NCKAP1: variants seen among roughly 807,000 people sequenced by gnomAD.
NCKAP1 encodes the protein NCK associated protein 1.
NCKAP1 carries 21 observed loss-of-function variants against 151.2 expected under a neutral mutation model. The observed-to-expected ratio is 0.14, with a 90% CI of 0.10 to 0.20. NCKAP1 has a LOEUF of 0.20. Among genes scored for constraint, NCKAP1 ranks in the 10% least tolerant of loss-of-function variants. The probability of loss-of-function intolerance (pLI) is 1.00; values close to 1 mark genes in which losing one functional copy is unlikely to be tolerated. For missense variants in NCKAP1, 933 were observed against 1,352.1 expected, an observed-to-expected ratio of 0.69 and a Z score of 4.86; for synonymous variants, 484 against 451.8, an observed-to-expected ratio of 1.07 and a Z score of -0.90.
intron 6 of NCKAP1, among the ~76,000 whole-genome samples, chr2:183,001,116 T>TA (rs747365406): frequency 3.9e-5 from 6 of 152,198 alleles, no homozygotes; most frequent in Middle Eastern, 6.8e-3. Flanking sequence ...AGCACAGACT[T>TA]ACACAAGGTA....
chr2:182,937,754 G>C (rs1696909926), intron 24 of NCKAP1, among the ~76,000 whole-genome samples: 1 of 152,112 alleles, frequency 6.6e-6, no homozygotes, highest in South Asian at 2.1e-4. Flanking sequence ...TCATCTATAA[G>C]ACATAGCTAC....
chr2:183,014,821 AAAGAAATGACC>A (rs1366851464), intron 2 of NCKAP1, among the ~76,000 whole-genome samples: 1 of 152,232 alleles, frequency 6.6e-6, no homozygotes, highest in Non-Finnish European at 1.5e-5. Flanking sequence ...TAAAGGCCCC[AAAGAAATGACC>A]AAGGAAACCA....
intron 15 of NCKAP1, among the ~76,000 whole-genome samples, chr2:182,973,805 T>C (rs933409845): frequency 2.0e-5 from 3 of 152,196 alleles, no homozygotes; most frequent in Non-Finnish European, 4.4e-5. Context: ...AAAAGTCTCT[T>C]TACTTGCTCT....
At chr2:182,949,413 T>C (rs369300177) in intron 23 of NCKAP1, among the ~76,000 whole-genome samples, 1 of 152,218 alleles carries the variant, frequency 6.6e-6, no homozygotes, top group East Asian at 1.9e-4. Context: ...CTCACTTTCC[T>C]AATTTGTAAA....
intron 2 of NCKAP1, among the ~76,000 whole-genome samples, chr2:183,013,637 C>T (rs914344792): frequency 1.3e-5 from 2 of 152,150 alleles, no homozygotes; most frequent in Admixed American, 6.5e-5. Context: ...TATTCTCTAC[C>T]GAGTAGCCAT....
At chr2:182,961,711 C>G (rs1206604201) in intron 18 of NCKAP1, among the ~76,000 whole-genome samples, 1 of 151,490 alleles carries the variant, frequency 6.6e-6, no homozygotes, top group Non-Finnish European at 1.5e-5. Context: ...CACATGTACC[C>G]TAAAACTTAA....
At chr2:183,033,054 A>G (rs1044675119) in intron 1 of NCKAP1, among the ~76,000 whole-genome samples, 1 of 152,174 alleles carries the variant, frequency 6.6e-6, no homozygotes, top group Non-Finnish European at 1.5e-5. Flanking sequence ...GTCTCCAAAA[A>G]AAGAGAAGAA....
chr2:182,954,116 T>C (rs1697275528), intron 20 of NCKAP1, among the ~76,000 whole-genome samples: 1 of 152,176 alleles, frequency 6.6e-6, no homozygotes, highest in Non-Finnish European at 1.5e-5. Context: ...TCACATAAAT[T>C]GATAAGGTTT....
At chr2:182,952,625 A>G in intron 22 of NCKAP1, 123 bp from the exon 23 acceptor site, 1 of 1,078,940 alleles carries the variant, frequency 9.3e-7, no homozygotes, top group South Asian at 1.8e-5. Context: ...AAGTCTCTAG[A>G]GTGAAAGAGA....
intron 2 of NCKAP1, chr2:183,022,778 AG>A (rs1479520233): frequency 6.6e-6 from 1 of 152,268 alleles, no homozygotes; most frequent in Non-Finnish European, 1.5e-5. Flanking sequence ...TTTAAGCAAA[AG>A]TATCAACAGG....
intron 20 of NCKAP1, among the ~76,000 whole-genome samples, chr2:182,954,450 C>A (rs1423148451): frequency 2.0e-5 from 3 of 152,122 alleles, no homozygotes; most frequent in Non-Finnish European, 4.4e-5. Flanking sequence ...TAAAAGACAA[C>A]CGACAAATCC....
chr2:182,973,009 T>G (rs1220757924), intron 15 of NCKAP1, among the ~76,000 whole-genome samples: 1 of 152,182 alleles, frequency 6.6e-6, no homozygotes, highest in East Asian at 1.9e-4. Context: ...AATAATTTTC[T>G]GCATCTTTCA....
Position 183,003,002 on chromosome 2 carries a change from A to G in NCKAP1, c.341T>C (p.Ile114Thr), listed in dbSNP as rs1267136784. The G allele has an allele frequency of 6.2e-7, 1 of 1,609,296 alleles. No homozygotes were observed. The highest frequency in any genetic ancestry group is 8.5e-7 in the Non-Finnish European group (1 of 1,176,740). ...ATCAAAGAAGACTTGGCAAACGTCA[A>G]TAGTATTCAGCAATTCACAAACATG... ...KDHVCELLNT[I>T]DVCQVFFDIT... The change falls in exon 4 of 31, where the codon ATT becomes ACT. Residue 114 changes from isoleucine (I) to threonine (T), a missense_variant. By Grantham distance (89) the Ile-to-Thr change is moderately conservative (BLOSUM62 -1). Around this residue, in one of 2 missense-constraint regions of NCKAP1, gnomAD observed 607 missense variants for 795.0 expected, o/e 0.76. Coordinates refer to ENST00000361354, the MANE Select transcript of NCKAP1 (RefSeq NM_013436.5).
intron 9 of NCKAP1, among the ~76,000 whole-genome samples, chr2:182,987,760 C>A (rs921012081): frequency 6.6e-6 from 1 of 152,046 alleles, no homozygotes; most frequent in Non-Finnish European, 1.5e-5. Context: ...GGGTATTCCA[C>A]CATCTAAAAT....
At chr2:182,987,628 T>A (rs995414342) in intron 9 of NCKAP1, among the ~76,000 whole-genome samples, 1 of 152,202 alleles carries the variant, frequency 6.6e-6, no homozygotes, top group Non-Finnish European at 1.5e-5. Context: ...TTTACATATA[T>A]TTACATATGA....
Position 182,981,264 on chromosome 2 carries a change from C to T in NCKAP1, c.1321G>A (p.Val441Ile), listed in dbSNP as rs1159007091. The T allele has an allele frequency of 1.2e-6, 2 of 1,613,622 alleles. No individual in the cohort carries two copies. Among genetic ancestry groups the T allele is most frequent in the African/African-American group, 1.3e-5 (1 of 75,002 alleles). The part of the protein sequence containing the change: ...VQYLSGFDAV[V>I]LNELVQNLSV... ...TTTACCTGCACGAGTTCATTGAGGA[C>T]AACAGCATCAAAGCCAGAAAGGTAC... The change falls in exon 13 of 31, where the codon GTC (valine) becomes ATC (isoleucine). Residue 441 changes from valine to isoleucine, a missense_variant. Transcript: ENST00000361354.
intron 15 of NCKAP1, among the ~76,000 whole-genome samples, chr2:182,973,479 G>T (rs1697741555): frequency 6.6e-6 from 1 of 152,020 alleles, no homozygotes; most frequent in Non-Finnish European, 1.5e-5. Context: ...AATACAAAGA[G>T]AATTCTTAAG....
intron 22 of NCKAP1, 145 bp from the exon 23 acceptor site, chr2:182,952,647 G>A (rs1305277962): frequency 8.8e-7 from 1 of 1,131,586 alleles, no homozygotes; most frequent in Non-Finnish European, 1.2e-6. Context: ...AATACAAAAT[G>A]CAAAAGTAAT....
intron 15 of NCKAP1, among the ~76,000 whole-genome samples, chr2:182,973,901 C>G (rs1697749974): frequency 6.6e-6 from 1 of 152,148 alleles, no homozygotes; most frequent in Non-Finnish European, 1.5e-5. Flanking sequence ...CTGAAATTAA[C>G]TGATAAACAT....
Sources: allele counts gnomAD v4.1 joint callset (sites outside exome capture counted in the v4.1 genomes callset), GRCh38; gene constraint gnomAD v4.1.1; regional missense constraint gnomAD v4.1.1; transcripts MANE v1.5; gene names NCBI Gene and HGNC (gene_info 2026-07-23, HGNC 2026-07-21).